The following WDPCP variants were observed in gnomAD, a reference collection of about 807,000 sequenced individuals.
The protein encoded by WDPCP is WD repeat-containing and planar cell polarity effector protein fritz homolog.
Under a neutral mutation model 93.1 loss-of-function variants are expected in WDPCP, and 71 were observed. That is an observed-to-expected ratio of 0.76 (90% CI 0.63 to 0.93). The LOEUF (loss-of-function observed/expected upper bound fraction) is 0.93, where lower values mean the gene tolerates loss of function less well. Ranked by LOEUF, WDPCP falls within the 40% of genes least tolerant of loss-of-function variation. WDPCP has a pLI of 0.00. For missense variants in WDPCP, 844 were observed against 887.4 expected, an observed-to-expected ratio of 0.95 and a Z score of 0.62; for synonymous variants, 315 against 315.0, an observed-to-expected ratio of 1.00 and a Z score of 0.00.
At chr2:63,391,780 T>TGCTA in intron 10 of WDPCP, among the ~76,000 whole-genome samples, 1 of 152,108 alleles carries the variant, frequency 6.6e-6, no homozygotes, top group Non-Finnish European at 1.5e-5. Flanking sequence ...GACCTCCCAT[T>TGCTA]CAAAACTGCT....
rs144922432 is a variant in WDPCP at position 63,175,988 on chromosome 2, T to G, written c.1916-1156A>C. 5.8e-4 allele frequency among the ~76,000 whole-genome samples: 89 copies of G among 152,274 alleles called. 1 individual carries two copies. The East Asian group carries it at 0.012, about 20-fold the overall frequency. Reference sequence around the variant, plus strand: ...ATCATACAGTGGATCTATCTTTAAATTTTTGAGGAAATGCCATACTGTTTT... The same window carrying G: ...ATCATACAGTGGATCTATCTTTAAAGTTTTGAGGAAATGCCATACTGTTTT... On this transcript the variant is annotated intron_variant, in intron 14 of 17. Coordinates refer to ENST00000272321, the MANE Select transcript of WDPCP (RefSeq NM_015910.7).
intron 14 of WDPCP, among the ~76,000 whole-genome samples, chr2:63,193,609 C>T (rs1341762458): frequency 6.6e-6 from 1 of 152,196 alleles, no homozygotes; most frequent in Non-Finnish European, 1.5e-5. Context: ...AGCTCAGCCT[C>T]CTGGGTAGTT....
intron 13 of WDPCP, among the ~76,000 whole-genome samples, chr2:63,303,802 TC>T (rs1232262626): frequency 5.3e-5 from 8 of 151,818 alleles, no homozygotes; most frequent in African/African-American, 1.7e-4. Flanking sequence ...GAACAAACAA[TC>T]CCATTAAAAG....
chr2:63,594,422 T>G, intron 3 of WDPCP: 1 of 1,184,984 alleles, frequency 8.4e-7, no homozygotes, highest in Non-Finnish European at 1.3e-6. Flanking sequence ...TACTATAGAT[T>G]AAAATCCTGG....
chr2:63,536,231 G>C (rs537952083), intron 1 of WDPCP, among the ~76,000 whole-genome samples: 2 of 152,324 alleles, frequency 1.3e-5, no homozygotes, highest in South Asian at 4.1e-4. Flanking sequence ...TGGAGAGGCT[G>C]TGGAGAAATA....
intron 14 of WDPCP, among the ~76,000 whole-genome samples, chr2:63,250,122 C>T (rs1192810098): frequency 6.6e-6 from 1 of 152,168 alleles, no homozygotes; most frequent in Non-Finnish European, 1.5e-5. Flanking sequence ...GAATTGCCAG[C>T]ATCACTACTT....
chr2:63,702,684 C>A (rs1186571555), intron 2 of WDPCP, among the ~76,000 whole-genome samples: 2 of 151,570 alleles, frequency 1.3e-5, no homozygotes, highest in African/African-American at 4.8e-5. Context: ...ACTGCAGGCG[C>A]CCACCACCAC....
At chr2:63,656,915 G>A (rs1310063973) in intron 2 of WDPCP, among the ~76,000 whole-genome samples, 1 of 152,174 alleles carries the variant, frequency 6.6e-6, no homozygotes, top group Non-Finnish European at 1.5e-5. Flanking sequence ...GGCATTTGGT[G>A]AAATGAACAA....
chr2:63,622,677 G>C, intron 3 of WDPCP: 1 of 1,613,900 alleles, frequency 6.2e-7, no homozygotes, highest in Non-Finnish European at 8.5e-7. Context: ...GAGTCGCCGG[G>C]ACAGCAGTTT....
chr2:63,204,702 GT>G (rs569514473), intron 14 of WDPCP, among the ~76,000 whole-genome samples: 9 of 151,796 alleles, frequency 5.9e-5, no homozygotes, highest in Admixed American at 1.3e-4. Context: ...ATTATTACAT[GT>G]TTTTTTTCAT....
intron 12 of WDPCP, among the ~76,000 whole-genome samples, chr2:63,348,828 G>T (rs991372970): frequency 7.2e-5 from 11 of 152,170 alleles, no homozygotes; most frequent in Admixed American, 2.0e-4. Flanking sequence ...CAACACTACT[G>T]TTTAACCAAG....
chr2:63,755,349 G>A (rs1042933608), intron 2 of WDPCP, among the ~76,000 whole-genome samples: 6 of 152,174 alleles, frequency 3.9e-5, no homozygotes, highest in Non-Finnish European at 8.8e-5. Flanking sequence ...CATTCCATTG[G>A]AGTACACTTA....
At chr2:63,429,974 TATACACAC>T (rs1228091765) in intron 9 of WDPCP, among the ~76,000 whole-genome samples, 2 of 108,270 alleles carry the variant, frequency 1.8e-5, no homozygotes, top group South Asian at 3.3e-4. Context: ...AAGAAAATGT[TATACACAC>T]ACACACACAC....
intron 1 of WDPCP, among the ~76,000 whole-genome samples, chr2:63,816,462 C>T (rs1284079868): frequency 6.6e-6 from 1 of 151,906 alleles, no homozygotes; most frequent in Non-Finnish European, 1.5e-5. Flanking sequence ...ATATAAGAGA[C>T]AGAAGATAAG....
At chr2:63,601,070 A>C (rs1488802685) in intron 3 of WDPCP, among the ~76,000 whole-genome samples, 1 of 152,248 alleles carries the variant, frequency 6.6e-6, no homozygotes, top group African/African-American at 2.4e-5. Flanking sequence ...CTGAATGAGC[A>C]AAGAGGAAAG....
At chr2:63,548,643 C>T (rs1705333309) in intron 1 of WDPCP, among the ~76,000 whole-genome samples, 1 of 151,798 alleles carries the variant, frequency 6.6e-6, no homozygotes, top group South Asian at 2.1e-4. Flanking sequence ...GTACTTTGAT[C>T]ATAAAGAATA....
rs764978871 is a variant in WDPCP at position 63,119,997 on chromosome 2, T to C, written c.*2009A>G. On this transcript the variant is annotated 3_prime_UTR_variant, in exon 18 of 18. Transcript: ENST00000272321. Reference sequence around the variant, plus strand: ...AATGGGTACTTTAAGAACTATGATTTGTTTAATTTTCACCTACATAACTGG... The same window carrying C: ...AATGGGTACTTTAAGAACTATGATTCGTTTAATTTTCACCTACATAACTGG... 6.6e-6 allele frequency among the ~76,000 whole-genome samples: 1 copy of C among 151,168 alleles called. No individual in the cohort carries two copies. The highest frequency in any genetic ancestry group is 1.5e-5 in the Non-Finnish European group (1 of 67,752).
the WDPCP span, among the ~76,000 whole-genome samples, chr2:63,837,163 G>C: frequency 3.3e-5 from 5 of 152,214 alleles, no homozygotes; most frequent in African/African-American, 9.6e-5. Context: ...CAACAGGAAA[G>C]AATGAAGTCT....
intron 6 of WDPCP, among the ~76,000 whole-genome samples, chr2:63,475,345 T>C (rs532647788): frequency 1.3e-5 from 2 of 152,208 alleles, no homozygotes; most frequent in East Asian, 1.9e-4. Flanking sequence ...ATGTCCTTCC[T>C]GCAAAGTCCA....
Sources: gnomAD v4.1 joint callset for allele counts (sites outside exome capture counted in the v4.1 genomes callset) on GRCh38, gnomAD v4.1.1 for gene constraint, MANE v1.5 for transcripts, NCBI Gene and HGNC (gene_info 2026-07-23, HGNC 2026-07-21) for gene names.